Variants in RNF216 observed in about 807,000 individuals in gnomAD.
RNF216 encodes the protein ring finger protein 216.
RNF216 carries 72 observed loss-of-function variants against 110.8 expected under a neutral mutation model. The observed-to-expected ratio is 0.65, with a 90% CI of 0.54 to 0.79. RNF216 has a LOEUF of 0.79. RNF216 is among the 30% of genes least tolerant of loss of function. The pLI, the probability that RNF216 is intolerant of heterozygous loss-of-function variation, is 0.00. For missense variants in RNF216, 1,342 were observed against 1,141.2 expected (o/e 1.18, Z -2.54); for synonymous variants, 495 against 407.5 (o/e 1.21, Z -2.59).
chr7:5,684,094 CTTTTTTTTTTTTTTTTTTT>C (rs10608511), intron 13 of RNF216, among the ~76,000 whole-genome samples: 1 of 61,836 alleles, frequency 1.6e-5, no homozygotes, highest in Admixed American at 2.2e-4. Context: ...GCTGGGCCTT[CTTTTTTTTTTTTTTTTTTT>C]TTTTTTTGAG....
intron 1 of RNF216, among the ~76,000 whole-genome samples, chr7:5,772,804 T>C (rs1796566881): frequency 6.8e-6 from 1 of 146,582 alleles, no homozygotes; most frequent in Non-Finnish European, 1.5e-5. Context: ...TGAGACAGAG[T>C]TTCGCTCTTG....
intron 3 of RNF216, among the ~76,000 whole-genome samples, chr7:5,744,411 T>C (rs1412994243): frequency 6.6e-6 from 1 of 151,988 alleles, no homozygotes; most frequent in East Asian, 1.9e-4. Flanking sequence ...ACTGGAGTTG[T>C]AGAAGAGAAG....
At chr7:5,673,857 T>A (rs1790086900) in intron 13 of RNF216, among the ~76,000 whole-genome samples, 1 of 125,286 alleles carries the variant, frequency 8.0e-6, no homozygotes, top group African/African-American at 3.1e-5. Context: ...TCTCTTTCTC[T>A]CATTTTTTTT....
intron 1 of RNF216, among the ~76,000 whole-genome samples, chr7:5,773,257 T>C (rs1796597161): frequency 6.6e-6 from 1 of 152,042 alleles, no homozygotes; most frequent in Admixed American, 6.6e-5. Context: ...TTTTTTTTTT[T>C]TTTGAGACAG....
intron 13 of RNF216, among the ~76,000 whole-genome samples, chr7:5,664,222 C>T (rs549243467): frequency 2.6e-5 from 4 of 152,168 alleles, no homozygotes; most frequent in Admixed American, 6.5e-5. Context: ...TATTTCCTCC[C>T]TATTGGGTCT....
intron 13 of RNF216, among the ~76,000 whole-genome samples, chr7:5,710,653 G>A (rs762404784): frequency 6.6e-6 from 1 of 152,266 alleles, no homozygotes; most frequent in Middle Eastern, 3.4e-3. Context: ...CTCAGCTTAT[G>A]AGCCTCCTTC....
chr7:5,671,765 A>G (rs1201381857), intron 13 of RNF216, among the ~76,000 whole-genome samples: 1 of 141,138 alleles, frequency 7.1e-6, no homozygotes, highest in Non-Finnish European at 1.5e-5. Flanking sequence ...AGATTGTGCC[A>G]CTGCACTCTA....
At chr7:5,645,517 T>C (rs1787997384) in intron 14 of RNF216, among the ~76,000 whole-genome samples, 1 of 152,194 alleles carries the variant, frequency 6.6e-6, no homozygotes, top group Admixed American at 6.5e-5. Context: ...TCAAATCTGC[T>C]ATTGAATTCT....
In RNF216 at chr7:5,734,457, A is replaced by C. The variant is rs530239010; in HGVS notation, c.1122-3640T>G. Reference sequence around the variant, plus strand: ...TTACACAAATGTTTGGTTTGTGATAAATTATTGAGCTGTGCATCTTTACTT... The same window carrying C: ...TTACACAAATGTTTGGTTTGTGATACATTATTGAGCTGTGCATCTTTACTT... On this transcript the variant is annotated intron_variant, in intron 5 of 16. Coordinates refer to ENST00000389902, the MANE Select transcript of RNF216 (RefSeq NM_207111.4). Among the ~76,000 whole-genome samples, 5 of 152,208 alleles carry C rather than the reference A, an allele frequency of 3.3e-5. No homozygotes were observed. The East Asian group carries it at 9.6e-4, about 29-fold the overall frequency.
intron 15 of RNF216, among the ~76,000 whole-genome samples, chr7:5,631,866 G>A (rs1490953941): frequency 6.6e-6 from 1 of 152,184 alleles, no homozygotes; most frequent in Non-Finnish European, 1.5e-5. Context: ...TTCCATTGTA[G>A]AAGGTCACGC....
chr7:5,725,387 C>A lies in RNF216; in HGVS notation c.1441G>T (p.Gly481Ter). 6.2e-7 allele frequency: 1 copy of A among 1,613,852 alleles called. No individual in the cohort carries two copies. The highest frequency in any genetic ancestry group is 8.5e-7 in the Non-Finnish European group (1 of 1,179,802). Residue 481 changes from glycine to a stop codon, truncating the protein, a stop_gained, in exon 8 of 17, where the codon GGA (glycine) becomes TGA (stop). Coordinates refer to ENST00000389902, the MANE Select transcript of RNF216 (RefSeq NM_207111.4). LOFTEE classifies it high-confidence loss of function. ...ATTTGTTTTCTCTTCTTCCTTTTTC[C>A]ACTGGTTTCTGGTGACAGCTCCTGC... Reference protein sequence around the residue: ...KWQELSPETSGKRKKRKQMNQ... With the variant: ...KWQELSPETS
At chr7:5,677,251 T>A (rs1355953889) in intron 13 of RNF216, among the ~76,000 whole-genome samples, 1 of 151,826 alleles carries the variant, frequency 6.6e-6, no homozygotes, top group Non-Finnish European at 1.5e-5. Flanking sequence ...AGCCAAGGAG[T>A]CGCTATCTGC....
intron 13 of RNF216, among the ~76,000 whole-genome samples, chr7:5,659,670 T>C (rs895591954): frequency 2.0e-5 from 3 of 152,218 alleles, no homozygotes; most frequent in Non-Finnish European, 4.4e-5. Context: ...CTTTCTAAAC[T>C]AAGGCCAAGT....
intron 13 of RNF216, among the ~76,000 whole-genome samples, chr7:5,708,670 T>C (rs1388075195): frequency 6.6e-6 from 1 of 152,190 alleles, no homozygotes. Flanking sequence ...TTTCAGGAGC[T>C]TGCAAGCTCT....
chr7:5,634,722 A>G (rs989795476), intron 15 of RNF216, among the ~76,000 whole-genome samples: 2 of 152,200 alleles, frequency 1.3e-5, no homozygotes, highest in Non-Finnish European at 2.9e-5. Context: ...GAATGTGGCC[A>G]TGTTTTGCGT....
chr7:5,668,668 A>AAGTAT (rs1418308357), intron 13 of RNF216, among the ~76,000 whole-genome samples: 1 of 152,174 alleles, frequency 6.6e-6, no homozygotes, highest in Non-Finnish European at 1.5e-5. Context: ...GAATGATAAA[A>AAGTAT]AGTATAGGTG....
intron 13 of RNF216, among the ~76,000 whole-genome samples, chr7:5,688,397 T>C (rs1438022522): frequency 1.3e-5 from 2 of 152,244 alleles, no homozygotes; most frequent in Non-Finnish European, 2.9e-5. Context: ...ACCTCTTTTC[T>C]ATCCTAAAGC....
intron 13 of RNF216, among the ~76,000 whole-genome samples, chr7:5,706,123 G>T (rs1025387168): frequency 6.6e-6 from 1 of 151,624 alleles, no homozygotes; most frequent in African/African-American, 2.4e-5. Context: ...AGGAGGCTGA[G>T]GCAGGAGAAT....
chr7:5,649,768 A>C (rs903232836), intron 14 of RNF216: 2 of 152,234 alleles, frequency 1.3e-5, no homozygotes, highest in African/African-American at 2.4e-5. Context: ...CTTGGAGGAC[A>C]GTGTATTACT....
Sources: gnomAD v4.1 joint callset for allele counts (sites outside exome capture counted in the v4.1 genomes callset) on GRCh38, gnomAD v4.1.1 for gene constraint, MANE v1.5 for transcripts, NCBI Gene and HGNC (gene_info 2026-07-23, HGNC 2026-07-21) for gene names.